The following PDE4B variants were observed in gnomAD, a reference collection of about 807,000 sequenced individuals.
The protein encoded by PDE4B is phosphodiesterase 4B.
Under a neutral mutation model 82.2 loss-of-function variants are expected in PDE4B, and 20 were observed. That is an observed-to-expected ratio of 0.24 (90% CI 0.17 to 0.35). PDE4B has a LOEUF of 0.35. Ranked by LOEUF, PDE4B falls within the 10% of genes least tolerant of loss-of-function variation. The probability of loss-of-function intolerance (pLI) is 1.00; values close to 1 mark genes in which losing one functional copy is unlikely to be tolerated. For synonymous variants in PDE4B, 320 were observed against 318.9 expected (o/e 1.00, Z -0.04); for missense variants, 655 against 907.2 (o/e 0.72, Z 3.57).
chr1:66,136,851 G>A (rs1443781724), intron 3 of PDE4B, among the ~76,000 whole-genome samples: 1 of 152,030 alleles, frequency 6.6e-6, no homozygotes, highest in East Asian at 1.9e-4. Flanking sequence ...GATAGAAGGA[G>A]AACCTGGAGA....
intron 2 of PDE4B, 98 bp downstream of exon 2, chr1:65,913,454 C>A: frequency 8.9e-7 from 1 of 1,118,650 alleles, no homozygotes; most frequent in Non-Finnish European, 1.4e-6. Context: ...TAACACACCA[C>A]TCTGTGACTA....
In PDE4B at chr1:66,276,111, T is replaced by A. The variant is rs188508425; in HGVS notation, c.634+10024T>A. On this transcript the variant is annotated intron_variant, in intron 7 of 16. Transcript: ENST00000341517. ...AGCACTGCTGGTCTAATAAACTAGA[T>A]AATGTCCAAAGCCCACATGTGTGCC... Among the ~76,000 whole-genome samples, 6 of 152,324 alleles carry A rather than the reference T, an allele frequency of 3.9e-5. No homozygotes were observed. In the East Asian group the frequency reaches 1.2e-3, roughly 29 times the overall value.
chr1:66,029,121 C>G (rs1015242719), intron 3 of PDE4B, among the ~76,000 whole-genome samples: 1 of 152,198 alleles, frequency 6.6e-6, no homozygotes, highest in South Asian at 2.1e-4. Context: ...TACAGTTCCA[C>G]ATGGCTGCAG....
At chr1:65,966,779 G>A (rs1334732707) in intron 3 of PDE4B, among the ~76,000 whole-genome samples, 1 of 151,974 alleles carries the variant, frequency 6.6e-6, no homozygotes, top group African/African-American at 2.4e-5. Context: ...AAAAACAAAC[G>A]ATGGGGAAAA....
intron 1 of PDE4B, among the ~76,000 whole-genome samples, chr1:65,872,170 TTTC>T (rs1415967296): frequency 6.6e-6 from 1 of 152,180 alleles, no homozygotes; most frequent in African/African-American, 2.4e-5. Context: ...TATAGTCATA[TTTC>T]AGGAAATGTG....
intron 1 of PDE4B, among the ~76,000 whole-genome samples, chr1:65,820,268 A>G (rs959612883): frequency 3.5e-4 from 53 of 152,322 alleles, no homozygotes; most frequent in African/African-American, 1.2e-3. Flanking sequence ...TTAAAAATTG[A>G]AGAATGGATT....
At chr1:66,115,609 C>T (rs1293277057) in intron 3 of PDE4B, among the ~76,000 whole-genome samples, 1 of 152,182 alleles carries the variant, frequency 6.6e-6, no homozygotes, top group Admixed American at 6.5e-5. Flanking sequence ...ATATAGAATG[C>T]CAGACTATGG....
intron 1 of PDE4B, among the ~76,000 whole-genome samples, chr1:65,865,410 A>G (rs1257086773): frequency 7.0e-6 from 1 of 142,126 alleles, no homozygotes; most frequent in Non-Finnish European, 1.5e-5. Flanking sequence ...CTGGGGTTCC[A>G]GGTGCCTCTG....
At chr1:65,849,113 G>A (rs750815471) in intron 1 of PDE4B, among the ~76,000 whole-genome samples, 3 of 152,142 alleles carry the variant, frequency 2.0e-5, no homozygotes, top group Non-Finnish European at 4.4e-5. Context: ...CTATTTGAGA[G>A]GGCATGCTCA....
chr1:66,246,665 G>T (rs1653337616), intron 3 of PDE4B, among the ~76,000 whole-genome samples: 1 of 152,190 alleles, frequency 6.6e-6, no homozygotes, highest in African/African-American at 2.4e-5. Flanking sequence ...AATCTCTACT[G>T]CTCCCGTCTG....
At chr1:66,354,438 A>G (rs1662072125) in intron 8 of PDE4B, 2 of 989,914 alleles carry the variant, frequency 2.0e-6, no homozygotes, top group Non-Finnish European at 1.2e-6. Context: ...GCAACTCCTC[A>G]GGAAAGAAGA....
At chr1:66,204,326 G>T (rs1263895106) in intron 3 of PDE4B, among the ~76,000 whole-genome samples, 1 of 152,266 alleles carries the variant, frequency 6.6e-6, no homozygotes, top group African/African-American at 2.4e-5. Flanking sequence ...TCTGCCTGTT[G>T]TCAGATCTCC....
intron 1 of PDE4B, among the ~76,000 whole-genome samples, chr1:65,844,622 A>C (rs1488236636): frequency 6.6e-6 from 1 of 152,226 alleles, no homozygotes; most frequent in Non-Finnish European, 1.5e-5. Flanking sequence ...TTATTTTATT[A>C]TAGGGAGTTT....
intron 8 of PDE4B, among the ~76,000 whole-genome samples, chr1:66,333,712 G>C (rs965482766): frequency 2.0e-5 from 3 of 152,156 alleles, no homozygotes; most frequent in African/African-American, 7.2e-5. Context: ...ATCAAGGCTT[G>C]CTGGCTGCGG....
intron 3 of PDE4B, among the ~76,000 whole-genome samples, chr1:66,186,229 T>A (rs1326961171): frequency 2.0e-5 from 3 of 152,222 alleles, no homozygotes; most frequent in Non-Finnish European, 4.4e-5. Flanking sequence ...GCTGTTTTGG[T>A]TACTGTAGCC....
rs537333632 is a variant in PDE4B, at chr1:66,345,484, G to A, written c.748-10043G>A. Among the ~76,000 whole-genome samples the A allele has an allele frequency of 9.9e-5, 15 of 152,194 alleles. No homozygotes were observed. The South Asian group carries it at 3.1e-3, about 32-fold the overall frequency. Reference sequence around the variant, plus strand: ...GTTTTTGGTTTTGATCATGGAACTTGGTTTTTACTGATATCTTTCATTAGA... The same window carrying A: ...GTTTTTGGTTTTGATCATGGAACTTAGTTTTTACTGATATCTTTCATTAGA... On this transcript the variant is annotated intron_variant, in intron 8 of 16. Coordinates refer to ENST00000341517, the MANE Select transcript of PDE4B (RefSeq NM_002600.4).
chr1:65,838,585 A>G (rs1421083045), intron 1 of PDE4B, among the ~76,000 whole-genome samples: 1 of 148,328 alleles, frequency 6.7e-6, no homozygotes, highest in Non-Finnish European at 1.5e-5. Flanking sequence ...ATATGTGTAT[A>G]TATATGTATA....
intron 3 of PDE4B, among the ~76,000 whole-genome samples, chr1:66,015,506 G>A (rs529759868): frequency 5.3e-5 from 8 of 151,950 alleles, no homozygotes; most frequent in African/African-American, 9.7e-5. Context: ...GGGAAACTTC[G>A]TTGCAGAGGT....
intron 3 of PDE4B, among the ~76,000 whole-genome samples, chr1:66,020,706 A>G (rs1653051717): frequency 6.6e-6 from 1 of 152,222 alleles, no homozygotes; most frequent in Non-Finnish European, 1.5e-5. Flanking sequence ...TTCTTAATCC[A>G]GTCTATCATT....
Sources: allele counts gnomAD v4.1 joint callset (sites outside exome capture counted in the v4.1 genomes callset), GRCh38; gene constraint gnomAD v4.1.1; transcripts MANE v1.5; gene names NCBI Gene and HGNC (gene_info 2026-07-23, HGNC 2026-07-21).